The following CCDC91 variants were observed in gnomAD, a reference collection of about 807,000 sequenced individuals.
CCDC91 encodes the protein coiled-coil domain containing 91.
Under a neutral mutation model 63.2 loss-of-function variants are expected in CCDC91, and 48 were observed. The ratio of observed to expected loss-of-function variants is 0.76; its 90% CI spans 0.60 to 0.97. CCDC91 has a LOEUF of 0.97. Ranked by LOEUF, CCDC91 falls within the 50% of genes least tolerant of loss-of-function variation. The pLI, the probability that CCDC91 is intolerant of heterozygous loss-of-function variation, is 0.00. For synonymous variants in CCDC91, 167 were observed against 165.8 expected (o/e 1.01, Z -0.06); for missense variants, 500 against 494.6 (o/e 1.01, Z -0.10).
chr12:28,328,709 A>C (rs1311179049), intron 6 of CCDC91, among the ~76,000 whole-genome samples: 1 of 152,178 alleles, frequency 6.6e-6, no homozygotes. Context: ...ATTTTATGAG[A>C]GAGGCATCAC....
At chr12:28,201,611 C>T (rs34838180) in intron 1 of CCDC91, among the ~76,000 whole-genome samples, 10 of 146,854 alleles carry the variant, frequency 6.8e-5, no homozygotes, top group Non-Finnish European at 1.4e-4. Context: ...ACGCTCCTCA[C>T]TTCCCAGACG....
chr12:28,470,195 A>G lies in CCDC91; in HGVS notation c.1102-13857A>G, dbSNP rs536852248. Among the ~76,000 whole-genome samples the G allele has an allele frequency of 1.3e-4, 20 of 152,284 alleles. No individual in the cohort carries two copies. In the South Asian group the frequency reaches 4.1e-3, roughly 32 times the overall value. Reference sequence around the variant, plus strand: ...TTGCAAACAACCCATCTGACAAGAGATTAATAACCAGAATATATAAGGAGT... The same window carrying G: ...TTGCAAACAACCCATCTGACAAGAGGTTAATAACCAGAATATATAAGGAGT... On this transcript the variant is annotated intron_variant, in intron 11 of 12. Coordinates refer to ENST00000536442, the MANE Select transcript of CCDC91 (RefSeq NM_018318.5).
At chr12:28,193,631 C>T (rs1015135903) in intron 1 of CCDC91, among the ~76,000 whole-genome samples, 4 of 151,780 alleles carry the variant, frequency 2.6e-5, no homozygotes, top group African/African-American at 9.7e-5. Context: ...AAGGAAATTA[C>T]CAAACTGTTT....
chr12:28,322,621 A>T (rs1368614936), intron 6 of CCDC91, among the ~76,000 whole-genome samples: 2 of 151,704 alleles, frequency 1.3e-5, no homozygotes, highest in Non-Finnish European at 2.9e-5. Flanking sequence ...TCTGTCATAC[A>T]AATTTTTTGA....
chr12:28,472,285 C>T (rs529096030), intron 11 of CCDC91, among the ~76,000 whole-genome samples: 4 of 152,240 alleles, frequency 2.6e-5, no homozygotes, highest in South Asian at 2.1e-4. Context: ...AAAAAAGAAC[C>T]GCACAGCTGA....
chr12:28,453,450 T>C (rs1484525722), intron 11 of CCDC91, among the ~76,000 whole-genome samples: 1 of 151,874 alleles, frequency 6.6e-6, no homozygotes, highest in African/African-American at 2.4e-5. Context: ...TCAACCCAGA[T>C]TTTTTTTATG....
chr12:28,279,360 A>C (rs1948450232), intron 3 of CCDC91, among the ~76,000 whole-genome samples: 1 of 152,118 alleles, frequency 6.6e-6, no homozygotes. Flanking sequence ...TTAAGTACAG[A>C]AGTCATGCAC....
At chr12:28,256,723 C>T (rs546017110) in intron 1 of CCDC91, 1 of 153,554 alleles carries the variant, frequency 6.5e-6, no homozygotes, top group East Asian at 1.9e-4. Context: ...AAAGTTGTGG[C>T]CACAGCTCAA....
At chr12:28,453,022 A>C (rs1949889842) in intron 11 of CCDC91, among the ~76,000 whole-genome samples, 1 of 151,866 alleles carries the variant, frequency 6.6e-6, no homozygotes, top group Non-Finnish European at 1.5e-5. Flanking sequence ...TCAATACAAA[A>C]TAATATATTT....
At chr12:28,503,553 A>G (rs545015997) in intron 12 of CCDC91, among the ~76,000 whole-genome samples, 2 of 151,974 alleles carry the variant, frequency 1.3e-5, no homozygotes, top group African/African-American at 4.8e-5. Context: ...TAGAACTAGA[A>G]TTACCATTTG....
chr12:28,193,609 A>C (rs1472021013), intron 1 of CCDC91, among the ~76,000 whole-genome samples: 1 of 150,928 alleles, frequency 6.6e-6, no homozygotes, highest in Non-Finnish European at 1.5e-5. Flanking sequence ...CAAAAACAAA[A>C]AAAAAAAAAA....
At chr12:28,386,791 A>G (rs769177985) in intron 7 of CCDC91, among the ~76,000 whole-genome samples, 9 of 152,018 alleles carry the variant, frequency 5.9e-5, no homozygotes, top group Non-Finnish European at 1.2e-4. Context: ...TCAACAAAAC[A>G]TTTTCTGCCC....
At chr12:28,423,936 A>G (rs189590681) in intron 8 of CCDC91, among the ~76,000 whole-genome samples, 86 of 152,282 alleles carry the variant, frequency 5.6e-4, no homozygotes, top group African/African-American at 1.9e-3. Context: ...TTGAAAGGAC[A>G]GTGAATGCAG....
At chr12:28,500,490 T>G (rs768439810) in intron 12 of CCDC91, among the ~76,000 whole-genome samples, 2 of 151,776 alleles carry the variant, frequency 1.3e-5, no homozygotes, top group Non-Finnish European at 2.9e-5. Context: ...AGGATCCTGC[T>G]TACTTTAGAT....
intron 8 of CCDC91, among the ~76,000 whole-genome samples, chr12:28,444,576 G>C (rs926582077): frequency 7.2e-5 from 11 of 152,210 alleles, no homozygotes; most frequent in Non-Finnish European, 1.5e-4. Context: ...ACTAATGCAG[G>C]AATAGAACAC....
chr12:28,307,011 C>T, intron 5 of CCDC91, 66 bp downstream of exon 5: 1 of 1,095,746 alleles, frequency 9.1e-7, no homozygotes, highest in Non-Finnish European at 1.3e-6. Context: ...TAATCTCAAA[C>T]TCTGATTAAA....
intron 8 of CCDC91, among the ~76,000 whole-genome samples, chr12:28,413,264 G>A (rs528987955): frequency 8.6e-5 from 13 of 151,910 alleles, no homozygotes; most frequent in African/African-American, 3.1e-4. Flanking sequence ...TTGGTATAGG[G>A]GTCCTTTCCA....
At chr12:28,472,567 A>G (rs561042951) in intron 11 of CCDC91, among the ~76,000 whole-genome samples, 307 of 152,324 alleles carry the variant, frequency 2.0e-3, no homozygotes, top group Non-Finnish European at 3.2e-3. Flanking sequence ...TATACCTATC[A>G]TGAAAATTGG....
At chr12:28,286,454 G>A (rs539402144) in intron 3 of CCDC91, among the ~76,000 whole-genome samples, 4 of 152,206 alleles carry the variant, frequency 2.6e-5, no homozygotes, top group Non-Finnish European at 4.4e-5. Context: ...TGAGAACATA[G>A]AGTTTTTGGC....
Sources: gnomAD v4.1 joint callset for allele counts (sites outside exome capture counted in the v4.1 genomes callset) on GRCh38, gnomAD v4.1.1 for gene constraint, MANE v1.5 for transcripts, NCBI Gene and HGNC (gene_info 2026-07-23, HGNC 2026-07-21) for gene names.